Variants in CFAP99 observed in about 807,000 individuals in gnomAD.
CFAP99 encodes the protein cilia- and flagella-associated protein 99.
CFAP99 carries 84 observed loss-of-function variants against 82.7 expected under a neutral mutation model. The observed-to-expected ratio is 1.02, with a 90% CI of 0.85 to 1.22. CFAP99 has a LOEUF of 1.22. CFAP99 is among the 50% of genes most tolerant of loss of function. The pLI, the probability that CFAP99 is intolerant of heterozygous loss-of-function variation, is 0.00. For missense variants in CFAP99, 1,059 were observed against 983.5 expected, an observed-to-expected ratio of 1.08 and a Z score of -1.03; for synonymous variants, 456 against 429.5, an observed-to-expected ratio of 1.06 and a Z score of -0.76.
chr4:2,446,485 T>C lies in CFAP99; in HGVS notation c.642+1177T>C, dbSNP rs896149635. Among the ~76,000 whole-genome samples, 1 of 151,998 alleles carries C rather than the reference T, an allele frequency of 6.6e-6. No individual in the cohort carries two copies. The highest frequency in any genetic ancestry group is 2.4e-5 in the African/African-American group (1 of 41,380). On this transcript the variant is annotated intron_variant, in intron 6 of 14. Transcript: ENST00000635017. The surrounding 1 kb of genome is among the most constrained non-coding windows in gnomAD (Gnocchi z 5.0). Reference sequence around the variant, plus strand: ...TTGGCTCACTGCAACCTCTGCCTCCTAGGTTTAAGTGATTCTCCTGCCTCA... The same window carrying C: ...TTGGCTCACTGCAACCTCTGCCTCCCAGGTTTAAGTGATTCTCCTGCCTCA...
At position 2,446,948 on chromosome 4, in the gene CFAP99, A is replaced by G. The variant is rs1215801263; in HGVS notation, c.642+1640A>G. Among the ~76,000 whole-genome samples, 1 of 151,726 alleles carries G rather than the reference A, an allele frequency of 6.6e-6. No individual in the cohort carries two copies. The highest frequency in any genetic ancestry group is 1.5e-5 in the Non-Finnish European group (1 of 67,934). On this transcript the variant is annotated intron_variant, in intron 6 of 14. Transcript: ENST00000635017. The surrounding 1 kb of genome is among the most constrained non-coding windows in gnomAD (Gnocchi z 5.0). ...GGGTAAGTGGGTGGATGGATGTCAAATGGATGAAGAGATGATCAGGTGGAT... is the reference window on the plus strand; with the variant it reads ...GGGTAAGTGGGTGGATGGATGTCAAGTGGATGAAGAGATGATCAGGTGGAT...
In CFAP99 at chr4:2,455,075, T is replaced by G. The variant is rs78407766; in HGVS notation, c.1161+2729T>G. On this transcript the variant is annotated intron_variant, in intron 11 of 14. Transcript: ENST00000635017. Reference sequence around the variant, plus strand: ...GGTGAAACTGCAGGCGTGCACCACCTTTTTAGGAGAGACACAGTTTCGCCA... The same window carrying G: ...GGTGAAACTGCAGGCGTGCACCACCGTTTTAGGAGAGACACAGTTTCGCCA... Among the ~76,000 whole-genome samples, 343 of 152,274 alleles carry G rather than the reference T, an allele frequency of 2.3e-3. 1 individual carries two copies. The highest frequency in any genetic ancestry group is 7.1e-3 in the African/African-American group (294 of 41,550).
chr4:2,439,415 C>G (rs1174357538), intron 4 of CFAP99, among the ~76,000 whole-genome samples: 1 of 152,160 alleles, frequency 6.6e-6, no homozygotes. Flanking sequence ...TTCGAGGTCT[C>G]TCTTGAAGGA....
chr4:2,424,884 G>A (rs73074367), intron 1 of CFAP99, among the ~76,000 whole-genome samples: 6,791 of 152,224 alleles, frequency 0.045, 517 homozygotes, highest in African/African-American at 0.15. Flanking sequence ...GGCCTTGTCC[G>A]TCCAGAAGAC....
chr4:2,459,187 G>C (rs1357426902), exon 13 of CFAP99: 1 of 1,535,572 alleles, frequency 6.5e-7, no homozygotes, highest in African/African-American at 1.4e-5. Flanking sequence ...GCGCCGTTGT[G>C]AACTCATCTC....
intron 3 of CFAP99, among the ~76,000 whole-genome samples, chr4:2,437,262 A>G (rs1164349766): frequency 6.6e-6 from 1 of 152,222 alleles, no homozygotes; most frequent in African/African-American, 2.4e-5. Flanking sequence ...TAGGGCATCC[A>G]GCTCCCAAAG....
At chr4:2,426,558 T>A (rs1733688651) in exon 2 of CFAP99, 1 of 1,535,790 alleles carries the variant, frequency 6.5e-7, no homozygotes, top group African/African-American at 1.4e-5. Context: ...CCTGAGCAGT[T>A]CCTGGAGGCT....
chr4:2,459,972 TC>T (rs966439393), intron 13 of CFAP99, 64 bp from the exon 14 acceptor site: 6 of 1,438,794 alleles, frequency 4.2e-6, no homozygotes, highest in Non-Finnish European at 4.7e-6. Flanking sequence ...AGGGGAGGGA[TC>T]CTGGTGGGAA....
chr4:2,462,861 A>G lies in CFAP99; in HGVS notation c.2080A>G (p.Arg694Gly). The G allele has an allele frequency of 1.4e-6, 2 of 1,391,440 alleles. No individual in the cohort carries two copies. Among genetic ancestry groups the G allele is most frequent in the East Asian group, 3.2e-5 (1 of 31,444 alleles). The allele number at this position is 1,391,440 out of a possible 1,614,324, so 86.2% of individuals were successfully genotyped here. A position where few individuals can be genotyped will look rare whatever the true frequency, so the allele number is the denominator to read the frequency against. ...GGAGCTGGAGCGGAGCCGCGAGCGC[A>G]GGCTGCAGGCGCTGCAGCAGGGAGG... The change falls in exon 15 of 15, where the codon AGG (arginine) becomes GGG (glycine). Residue 694 changes from arginine to glycine, a missense_variant. Arg to Gly is a moderately radical substitution (Grantham distance 125). Coordinates refer to ENST00000635017, the Ensembl canonical transcript of CFAP99. This position sits in a 1 kb window ranked among gnomAD's most constrained non-coding sequence, Gnocchi z 4.1.
In CFAP99 at chr4:2,462,455, G is replaced by T; in HGVS notation, c.1674G>T (p.Lys558Asn). Residue 558 changes from lysine to asparagine, a missense_variant, in exon 15 of 15, where the codon AAG becomes AAT. Transcript: ENST00000635017. The surrounding 1 kb of genome is among the most constrained non-coding windows in gnomAD (Gnocchi z 4.1). ...CGTCGCCCGCCAGGTGGGAGGAAAA[G>T]AAGGCCCTTGCGGCGGCCCCGGCGG... 6.8e-7 allele frequency: 1 copy of T among 1,461,994 alleles called. No individual in the cohort carries two copies. The highest frequency in any genetic ancestry group is 1.3e-5 in the South Asian group (1 of 75,340). The allele number at this position is 1,461,994 out of a possible 1,614,324, so 90.6% of individuals were successfully genotyped here. A position where few individuals can be genotyped will look rare whatever the true frequency, so the allele number is the denominator to read the frequency against.
intron 6 of CFAP99, 45 bp from the exon 7 acceptor site, chr4:2,449,625 C>A: frequency 6.6e-7 from 1 of 1,516,876 alleles, no homozygotes; most frequent in African/African-American, 1.4e-5. Flanking sequence ...CCCCCTCCCA[C>A]TCGCAGCTGC....
At chr4:2,458,306 C>A (rs1382503264) in intron 11 of CFAP99, among the ~76,000 whole-genome samples, 2 of 152,140 alleles carry the variant, frequency 1.3e-5, no homozygotes, top group Non-Finnish European at 2.9e-5. Flanking sequence ...AATTTCAGAA[C>A]AATTTTTAAA....
intron 2 of CFAP99, among the ~76,000 whole-genome samples, chr4:2,436,093 AAATC>A (rs1222392870): frequency 1.3e-5 from 2 of 148,808 alleles, no homozygotes; most frequent in Admixed American, 6.7e-5. Context: ...AAAAAAAAAA[AAATC>A]TATATATATG....
At chr4:2,459,793 G>C (rs1418188305) in intron 13 of CFAP99, among the ~76,000 whole-genome samples, 1 of 152,248 alleles carries the variant, frequency 6.6e-6, no homozygotes, top group Non-Finnish European at 1.5e-5. Context: ...ATAGTCATGA[G>C]CTCCATTTGG....
intron 11 of CFAP99, among the ~76,000 whole-genome samples, chr4:2,458,000 G>A (rs2108735570): frequency 6.6e-6 from 1 of 152,300 alleles, no homozygotes; most frequent in South Asian, 2.1e-4. Context: ...CTCCCAAGCG[G>A]GAGCCTTTTC....
At chr4:2,450,382 C>T (rs374525435) in intron 8 of CFAP99, 10 of 306,026 alleles carry the variant, frequency 3.3e-5, no homozygotes, top group African/African-American at 6.4e-5. Context: ...CTGTGCCTGG[C>T]GGGGCTCACT....
At chr4:2,443,097 C>G (rs755868631) in intron 4 of CFAP99, 33 bp from the exon 5 acceptor site, 1 of 1,239,218 alleles carries the variant, frequency 8.1e-7, no homozygotes, top group Admixed American at 2.0e-5. Flanking sequence ...GGGCCCAGGG[C>G]TCCGGCCCCC....
exon 14 of CFAP99, chr4:2,460,051 C>T (rs1734580447): frequency 6.5e-6 from 10 of 1,535,930 alleles, no homozygotes; most frequent in Non-Finnish European, 8.7e-6. Context: ...CCGGCTACGG[C>T]CTGGAAGGAG....
At chr4:2,458,680 CG>C in intron 11 of CFAP99, 42 bp from the exon 12 acceptor site, 2 of 1,507,876 alleles carry the variant, frequency 1.3e-6, no homozygotes, top group Non-Finnish European at 1.8e-6. Flanking sequence ...GCAGGGAAGC[CG>C]GAGCAGCCCC....
Sources: allele counts gnomAD v4.1 joint callset (sites outside exome capture counted in the v4.1 genomes callset), GRCh38; gene constraint gnomAD v4.1.1; non-coding constraint Gnocchi (gnomAD v3.1); transcripts MANE v1.5; gene names NCBI Gene and HGNC (gene_info 2026-07-23, HGNC 2026-07-21).